The following GSDMC variants were observed in gnomAD, a reference collection of about 807,000 sequenced individuals.
GSDMC encodes the protein gasdermin-C.
A neutral mutation model predicts 58.0 loss-of-function variants in GSDMC; 59 were observed. That is an observed-to-expected ratio of 1.02 (90% CI 0.82 to 1.26). The LOEUF (loss-of-function observed/expected upper bound fraction) is 1.26, where lower values mean the gene tolerates loss of function less well. Among genes scored for constraint, GSDMC ranks in the 50% most tolerant of loss-of-function variants. The pLI is 0.00. For missense variants in GSDMC, 659 were observed against 598.5 expected (o/e 1.10, Z -1.06); for synonymous variants, 241 against 220.2 (o/e 1.09, Z -0.83).
chr8:129,762,219 G>C (rs563342487), intron 5 of GSDMC, among the ~76,000 whole-genome samples: 1 of 152,196 alleles, frequency 6.6e-6, no homozygotes, highest in Non-Finnish European at 1.5e-5. Context: ...TTGTGATTGT[G>C]ATGTTGTTAC....
rs1457564536 is a variant in GSDMC, at chr8:129,760,210, AG to A, written c.721+334del. ...ATAAGTATGCTACCTGAGACTGGGAAGGGTGGTGGGGGGTCTGGAGGAGAGG... is the reference window on the plus strand; with the variant it reads ...ATAAGTATGCTACCTGAGACTGGGAAGGTGGTGGGGGGTCTGGAGGAGAGG... On this transcript the variant is annotated intron_variant, in intron 6 of 13. Transcript: ENST00000276708. 8.5e-5 allele frequency among the ~76,000 whole-genome samples: 13 copies of A among 152,250 alleles called. No individual in the cohort carries two copies. The East Asian group carries it at 2.3e-3, about 27-fold the overall frequency.
At chr8:129,763,567 C>A (rs1468412562) in intron 4 of GSDMC, among the ~76,000 whole-genome samples, 1 of 152,086 alleles carries the variant, frequency 6.6e-6, no homozygotes. Flanking sequence ...ATCTCCTCGA[C>A]TGATCCTCAA....
intron 3 of GSDMC, among the ~76,000 whole-genome samples, chr8:129,770,894 G>A (rs2034024729): frequency 6.6e-6 from 1 of 151,786 alleles, no homozygotes; most frequent in Admixed American, 6.6e-5. Flanking sequence ...AGAGATTCAT[G>A]TTAGCTTTAA....
rs547826931 is a variant in GSDMC, at chr8:129,776,990, G to A, written c.220+378C>T. On this transcript the variant is annotated intron_variant, in intron 2 of 13. Transcript: ENST00000276708. ...TCAGCATGTTGGCCAGACTGGTCTC[G>A]AACTCCTGGCCTCAAGTGATCTGCC... is the stretch of plus-strand genomic sequence containing the variant. Among the ~76,000 whole-genome samples, 13 of 151,134 alleles carry A rather than the reference G, an allele frequency of 8.6e-5. No homozygotes were observed. In the East Asian group the frequency reaches 1.4e-3, roughly 16 times the overall value.
At chr8:129,711,981 G>A in the GSDMC span, among the ~76,000 whole-genome samples, 1 of 152,262 alleles carries the variant, frequency 6.6e-6, no homozygotes. Context: ...AAAGGGCCTG[G>A]CATGATGGCA....
chr8:129,747,570 T>C (rs747352800), downstream of GSDMC, among the ~76,000 whole-genome samples: 1 of 152,152 alleles, frequency 6.6e-6, no homozygotes, highest in Non-Finnish European at 1.5e-5. Flanking sequence ...AAAATCTTGG[T>C]TGATAATTCT....
the GSDMC span, among the ~76,000 whole-genome samples, chr8:129,724,689 G>T: frequency 6.6e-6 from 1 of 151,844 alleles, no homozygotes; most frequent in Non-Finnish European, 1.5e-5. Context: ...TCAAAAAAAT[G>T]ATACTTTTTA....
chr8:129,758,510 T>C (rs1011349815), intron 6 of GSDMC, among the ~76,000 whole-genome samples: 3 of 152,126 alleles, frequency 2.0e-5, no homozygotes, highest in Non-Finnish European at 4.4e-5. Context: ...GATAAACAAA[T>C]TCAGTAAAGT....
At chr8:129,730,193 C>A in the GSDMC span, 2 of 1,194,958 alleles carry the variant, frequency 1.7e-6, no homozygotes, top group African/African-American at 3.1e-5. Context: ...AACTGTACAA[C>A]ATGTATCTAG....
chr8:129,748,723 C>A lies in GSDMC; in HGVS notation c.1305G>T (p.Glu435Asp). 1 of 1,529,624 alleles carries A rather than the reference C, an allele frequency of 6.5e-7. No individual in the cohort carries two copies. The highest frequency in any genetic ancestry group is 1.3e-5 in the South Asian group (1 of 76,934). 94.8% of individuals were successfully genotyped at this position (1,529,624 alleles called of 1,614,324 possible). The change falls in exon 14 of 14, where the codon GAG (glutamate) becomes GAT (aspartate). Residue 435 changes from glutamate (E) to aspartate (D), a missense_variant. Glu to Asp is a conservative substitution (Grantham distance 45). Transcript: ENST00000276708. ...QQQELVRSILEPNFRYPWSIP... is the reference protein window; with the variant it reads ...QQQELVRSILDPNFRYPWSIP... Reference sequence around the variant, plus strand: ...TGCTCCAGGGGTATCTGAAGTTTGGCTCCAGGATGCTCCTTACCTAGAAGA... The same window carrying A: ...TGCTCCAGGGGTATCTGAAGTTTGGATCCAGGATGCTCCTTACCTAGAAGA...
chr8:129,741,118 C>T, the GSDMC span, among the ~76,000 whole-genome samples: 1 of 152,106 alleles, frequency 6.6e-6, no homozygotes, highest in African/African-American at 2.4e-5. Flanking sequence ...CCCCATTACG[C>T]ATTCTTGGCA....
chr8:129,736,376 C>T, the GSDMC span, among the ~76,000 whole-genome samples: 747 of 152,170 alleles, frequency 4.9e-3, 9 homozygotes, highest in East Asian at 0.049. Context: ...TGAACATCGA[C>T]GTGAAAATCC....
At chr8:129,783,184 A>C (rs2034465463) in intron 1 of GSDMC, among the ~76,000 whole-genome samples, 1 of 152,126 alleles carries the variant, frequency 6.6e-6, no homozygotes, top group African/African-American at 2.4e-5. Flanking sequence ...CCCTCAAAAA[A>C]CTGGGTATAG....
intron 3 of GSDMC, among the ~76,000 whole-genome samples, chr8:129,767,481 C>G (rs1033233231): frequency 6.6e-6 from 1 of 152,086 alleles, no homozygotes; most frequent in African/African-American, 2.4e-5. Context: ...CATGAAGGAG[C>G]CTGATCAAGA....
At chr8:129,729,580 G>A in the GSDMC span, among the ~76,000 whole-genome samples, 6 of 152,072 alleles carry the variant, frequency 3.9e-5, no homozygotes, top group East Asian at 5.8e-4. Context: ...TTGTTCTTGC[G>A]ATAGTTTGCT....
intron 3 of GSDMC, among the ~76,000 whole-genome samples, chr8:129,771,146 C>T (rs78457241): frequency 0.14 from 21,584 of 151,264 alleles, 1,874 homozygotes; most frequent in Non-Finnish European, 0.19. Flanking sequence ...ATGCACCAAA[C>T]ATCAGAGCAC....
chr8:129,755,664 CAT>C (rs1290835342), intron 6 of GSDMC, among the ~76,000 whole-genome samples: 4 of 152,158 alleles, frequency 2.6e-5, no homozygotes, highest in South Asian at 2.1e-4. Flanking sequence ...CTTTTCAAGA[CAT>C]AGTACAATAA....
chr8:129,754,667 A>G (rs949197627), intron 6 of GSDMC, among the ~76,000 whole-genome samples: 4 of 152,336 alleles, frequency 2.6e-5, no homozygotes, highest in African/African-American at 7.2e-5. Context: ...CTTTCAGATG[A>G]AGAATTCAGA....
At chr8:129,717,375 A>G in the GSDMC span, among the ~76,000 whole-genome samples, 1 of 150,682 alleles carries the variant, frequency 6.6e-6, no homozygotes, top group Non-Finnish European at 1.5e-5. Flanking sequence ...GTATGTGTCT[A>G]GAAATTTATT....
Sources: allele counts gnomAD v4.1 joint callset (sites outside exome capture counted in the v4.1 genomes callset), GRCh38; gene constraint gnomAD v4.1.1; transcripts MANE v1.5; gene names NCBI Gene and HGNC (gene_info 2026-07-23, HGNC 2026-07-21).